Variants in SAMD5 observed in about 807,000 individuals in gnomAD.
The protein encoded by SAMD5 is sterile alpha motif domain-containing protein 5.
In SAMD5, 13 loss-of-function variants were observed where a neutral mutation model predicts 11.3. The ratio of observed to expected loss-of-function variants is 1.15; its 90% CI spans 0.75 to 1.83. The LOEUF (loss-of-function observed/expected upper bound fraction) is 1.83, where lower values mean the gene tolerates loss of function less well. SAMD5 is among the 40% of genes most tolerant of loss of function. The pLI is 0.00. For missense variants in SAMD5, 255 were observed against 239.1 expected (o/e 1.07, Z -0.44); for synonymous variants, 129 against 111.3 (o/e 1.16, Z -1.00).
chr6:147,602,022 C>G (rs1458575277), intron 1 of SAMD5, among the ~76,000 whole-genome samples: 1 of 152,206 alleles, frequency 6.6e-6, no homozygotes, highest in African/African-American at 2.4e-5. Context: ...ACAGCAGCTG[C>G]CTGAATTTGC....
At chr6:147,730,269 A>T (rs1406162976) in intron 1 of SAMD5, 2 of 359,782 alleles carry the variant, frequency 5.6e-6, no homozygotes, top group Non-Finnish European at 1.1e-5. Flanking sequence ...ACTTACATTA[A>T]TGGGATCACT....
intron 1 of SAMD5, among the ~76,000 whole-genome samples, chr6:147,617,164 C>T (rs945126489): frequency 2.0e-5 from 3 of 152,214 alleles, no homozygotes; most frequent in African/African-American, 7.2e-5. Context: ...GAGTCTTATT[C>T]ATACCTGATA....
intron 1 of SAMD5, among the ~76,000 whole-genome samples, chr6:147,694,942 T>A (rs1023366396): frequency 5.3e-5 from 8 of 152,220 alleles, no homozygotes; most frequent in African/African-American, 1.7e-4. Flanking sequence ...ATATATTTGA[T>A]AATCTGGAAA....
chr6:147,826,345 G>C, the SAMD5 span, among the ~76,000 whole-genome samples: 1 of 152,136 alleles, frequency 6.6e-6, no homozygotes, highest in Non-Finnish European at 1.5e-5. Context: ...GTGTGGTGAA[G>C]TAACCCTCAA....
chr6:147,677,760 G>A lies in SAMD5; in HGVS notation c.163-59557G>A, dbSNP rs930492183. Among the ~76,000 whole-genome samples, 3 of 152,048 alleles carry A rather than the reference G, an allele frequency of 2.0e-5. No individual in the cohort carries two copies. In the South Asian group the frequency reaches 6.2e-4, roughly 32 times the overall value. On this transcript the variant is annotated intron_variant, in intron 1 of 1. Coordinates refer to the SAMD5 transcript ENST00000566741. ...TAAAGGGATGGGGAGGTTAGAGGGT[G>A]TATGGTGGTTGCATCGTAGTTAGTA...
intron 1 of SAMD5, among the ~76,000 whole-genome samples, chr6:147,610,408 G>A (rs1193666957): frequency 6.6e-6 from 1 of 152,168 alleles, no homozygotes; most frequent in East Asian, 1.9e-4. Context: ...GCCATGCCAG[G>A]CGACGTTGTA....
intron 1 of SAMD5, among the ~76,000 whole-genome samples, chr6:147,635,346 G>C (rs1012742599): frequency 6.6e-6 from 1 of 152,102 alleles, no homozygotes; most frequent in African/African-American, 2.4e-5. Context: ...TTTTACATGA[G>C]CTATTTCATT....
At chr6:147,915,838 G>C in the SAMD5 span, among the ~76,000 whole-genome samples, 1 of 151,990 alleles carries the variant, frequency 6.6e-6, no homozygotes, top group Non-Finnish European at 1.5e-5. Flanking sequence ...TGCCATGTTG[G>C]TGTGCTTCAC....
At chr6:147,914,577 C>T in the SAMD5 span, among the ~76,000 whole-genome samples, 1 of 152,172 alleles carries the variant, frequency 6.6e-6, no homozygotes, top group Non-Finnish European at 1.5e-5. Flanking sequence ...GAGAGTCAGC[C>T]TTTTGCAGCC....
chr6:147,743,177 A>C, the SAMD5 span: 1 of 152,170 alleles, frequency 6.6e-6, no homozygotes, highest in Non-Finnish European at 1.5e-5. Flanking sequence ...TTGTACCTGA[A>C]TTTGGGGTTA....
the SAMD5 span, among the ~76,000 whole-genome samples, chr6:147,788,201 GT>G: frequency 6.6e-6 from 1 of 152,104 alleles, no homozygotes; most frequent in Non-Finnish European, 1.5e-5. Flanking sequence ...AAGGTAAAAT[GT>G]TTACATTGAA....
the SAMD5 span, among the ~76,000 whole-genome samples, chr6:147,909,626 T>TCTCTCTCTCTCTCTC: frequency 1.7e-5 from 1 of 59,260 alleles, no homozygotes; most frequent in African/African-American, 8.6e-5. Context: ...CTTTCTTTCT[T>TCTCTCTCTCTCTCTC]TCTTTCTCTT....
At position 147,564,592 on chromosome 6, in the gene SAMD5, C is replaced by A; in HGVS notation, c.*136C>A. ...TCATCAGCTTAACTTTTTGCTTGGA[C>A]AAATTCTGGAATAATCAACTTAGTA... is the stretch of plus-strand genomic sequence containing the variant. On this transcript the variant is annotated 3_prime_UTR_variant, in exon 2 of 2. Coordinates refer to ENST00000367474, the MANE Select transcript of SAMD5 (RefSeq NM_001030060.3). 6.9e-7 allele frequency: 1 copy of A among 1,455,564 alleles called. No homozygotes were observed. The allele number at this position is 1,455,564 out of a possible 1,614,324, so 90.2% of individuals were successfully genotyped here.
the SAMD5 span, among the ~76,000 whole-genome samples, chr6:147,906,503 T>C: frequency 1.3e-5 from 2 of 152,212 alleles, no homozygotes; most frequent in Admixed American, 1.3e-4. Context: ...GGGCCAAGCC[T>C]GAAAAGAATC....
intron 1 of SAMD5, among the ~76,000 whole-genome samples, chr6:147,545,367 T>C (rs1308158595): frequency 6.6e-6 from 1 of 152,220 alleles, no homozygotes; most frequent in African/African-American, 2.4e-5. Flanking sequence ...AATGAGTTGA[T>C]TGAGTTAGAG....
chr6:147,549,342 A>G (rs945931055), intron 1 of SAMD5, among the ~76,000 whole-genome samples: 4 of 152,206 alleles, frequency 2.6e-5, no homozygotes, highest in Non-Finnish European at 5.9e-5. Flanking sequence ...TCTTGCTTTC[A>G]GTCCAGAGGT....
At chr6:147,893,452 A>T in the SAMD5 span, among the ~76,000 whole-genome samples, 1 of 152,162 alleles carries the variant, frequency 6.6e-6, no homozygotes, top group African/African-American at 2.4e-5. Flanking sequence ...ATAGAAATTT[A>T]AAAACCATAG....
the SAMD5 span, among the ~76,000 whole-genome samples, chr6:147,946,488 T>C: frequency 0.019 from 2,846 of 152,326 alleles, 90 homozygotes; most frequent in African/African-American, 0.063. Flanking sequence ...CTCATTTTGT[T>C]TCCTAGTCAC....
At chr6:147,660,648 G>A (rs1790635022) in intron 1 of SAMD5, 1 of 151,120 alleles carries the variant, frequency 6.6e-6, no homozygotes, top group African/African-American at 2.4e-5. Context: ...GATAGTGAGA[G>A]AGTTCTCAGG....
Sources: gnomAD v4.1 joint callset for allele counts (sites outside exome capture counted in the v4.1 genomes callset) on GRCh38, gnomAD v4.1.1 for gene constraint, MANE v1.5 for transcripts, NCBI Gene and HGNC (gene_info 2026-07-23, HGNC 2026-07-21) for gene names.